Variants in MYO1B observed in about 807,000 individuals in gnomAD.
MYO1B encodes the protein myosin IB.
A neutral mutation model predicts 159.7 loss-of-function variants in MYO1B; 72 were observed. The observed-to-expected ratio is 0.45, with a 90% confidence interval of 0.37 to 0.55. The LOEUF is 0.55. MYO1B is among the 20% of genes least tolerant of loss of function. The pLI, the probability that MYO1B is intolerant of heterozygous loss-of-function variation, is 0.00. For missense variants in MYO1B, 1,062 were observed against 1,364.8 expected, an observed-to-expected ratio of 0.78 and a Z score of 3.50; for synonymous variants, 468 against 473.8, an observed-to-expected ratio of 0.99 and a Z score of 0.16.
At chr2:191,277,179 T>G (rs939109144) in intron 2 of MYO1B, 149 bp downstream of exon 2, 1 of 955,666 alleles carries the variant, frequency 1.0e-6, no homozygotes, top group Non-Finnish European at 1.5e-6. Context: ...GTTGAGTTTT[T>G]ACTGATTTAG....
chr2:191,288,573 C>T (rs1431803021), intron 2 of MYO1B, among the ~76,000 whole-genome samples: 3 of 152,208 alleles, frequency 2.0e-5, no homozygotes, highest in Admixed American at 6.5e-5. Context: ...AAAAGACTCA[C>T]TTCCTAAGCT....
At chr2:191,338,808 A>G (rs1340911890) in intron 4 of MYO1B, among the ~76,000 whole-genome samples, 2 of 152,166 alleles carry the variant, frequency 1.3e-5, no homozygotes, top group Admixed American at 6.5e-5. Flanking sequence ...CCTAAACTTT[A>G]TATATTTTTG....
chr2:191,263,373 T>A (rs893829354), intron 1 of MYO1B: 1 of 981,492 alleles, frequency 1.0e-6, no homozygotes, highest in Non-Finnish European at 1.2e-6. Flanking sequence ...GAAAAAGCAA[T>A]GGAGAAGAAA....
intron 1 of MYO1B, among the ~76,000 whole-genome samples, chr2:191,258,685 G>GATGTTGGC (rs1409333533): frequency 1.3e-5 from 2 of 152,148 alleles, no homozygotes; most frequent in Non-Finnish European, 2.9e-5. Flanking sequence ...AGAGCTACAT[G>GATGTTGGC]ATGTTGGCAT....
intron 30 of MYO1B, among the ~76,000 whole-genome samples, chr2:191,418,854 C>T (rs561836426): frequency 1.3e-5 from 2 of 152,268 alleles, no homozygotes; most frequent in African/African-American, 4.8e-5. Context: ...GATTCAGCTG[C>T]CTTATAGTTT....
rs1046607417 is a variant in MYO1B, at chr2:191,341,499, T to G, written c.385T>G (p.Cys129Gly). 3.7e-6 allele frequency: 6 copies of G among 1,614,036 alleles called. No individual in the cohort carries two copies. The highest frequency in any genetic ancestry group is 5.1e-6 in the Non-Finnish European group (6 of 1,179,982). Residue 129 changes from cysteine (C) to glycine (G), a missense_variant, in exon 5 of 31, where the codon TGT (cysteine) becomes GGT (glycine). Around this residue, in one of 5 missense-constraint regions of MYO1B, gnomAD observed 415 missense variants for 544.0 expected, o/e 0.76. Transcript: ENST00000392318. ...TGTCATGTCCTATGTGGCAGCTGTT[T>G]GTGGAAAAGGAGCAGAAGTTAATCA... ...KLVMSYVAAV[C>G]GKGAEVNQVK...
Position 191,363,834 on chromosome 2 carries a change from G to T in MYO1B, c.872G>T (p.Arg291Leu), listed in dbSNP as rs1205234099. ...AACATTGAGTTCAAGCCCGAATCTC[G>T]AGTGAATGGTCTAGATGAAAGCAAA... ...LGNIEFKPES[R>L]VNGLDESKIK... The change falls in exon 10 of 31, where the codon CGA (arginine) becomes CTA (leucine). Residue 291 changes from arginine to leucine, a missense_variant. By Grantham distance (102) the Arg-to-Leu change is moderately radical. Transcript: ENST00000392318. 1.2e-6 allele frequency: 2 copies of T among 1,613,904 alleles called. No individual in the cohort carries two copies. The highest frequency in any genetic ancestry group is 2.2e-5 in the East Asian group (1 of 44,878).
In MYO1B at chr2:191,247,325, G is replaced by GA. The variant is rs1345398540; in HGVS notation, c.-10+1701dup. ...CCCCTTTGGCCATTTATTTTGAGAT[G>GA]AACCAAGTTTGAAAGCCTCTTAACC... On this transcript the variant is annotated intron_variant, in intron 1 of 30. Coordinates refer to ENST00000392318, the MANE Select transcript of MYO1B (RefSeq NM_001130158.3). Among the ~76,000 whole-genome samples the GA allele has an allele frequency of 2.6e-5, 4 of 152,194 alleles. No homozygotes were observed. The South Asian group carries it at 8.3e-4, about 32-fold the overall frequency.
At position 191,245,463 on chromosome 2, in the gene MYO1B, A is replaced by G. The variant is rs1420629293; in HGVS notation, c.-173A>G. The G allele has an allele frequency of 2.6e-5, 4 of 151,982 alleles. No individual in the cohort carries two copies. The highest frequency in any genetic ancestry group is 9.7e-5 in the African/African-American group (4 of 41,394). The allele number at this position is 151,982 out of a possible 1,614,324, so 9.4% of individuals were successfully genotyped here. On this transcript the variant is annotated 5_prime_UTR_variant, in exon 1 of 31. Coordinates refer to ENST00000392318, the MANE Select transcript of MYO1B (RefSeq NM_001130158.3). The stretch of plus-strand genomic sequence containing the variant: ...AACCGCGGCGCGTGGAGGCAGTACC[A>G]GAGCGCGCGGCGCGCAGTCGGCCGG...
At chr2:191,356,425 A>G (rs1272862645) in intron 7 of MYO1B, among the ~76,000 whole-genome samples, 1 of 147,188 alleles carries the variant, frequency 6.8e-6, no homozygotes, top group Admixed American at 7.0e-5. Context: ...GTTGTGAAGT[A>G]TCTGTAGCAA....
intron 24 of MYO1B, among the ~76,000 whole-genome samples, chr2:191,403,924 C>T (rs1696758321): frequency 2.0e-5 from 3 of 152,150 alleles, no homozygotes; most frequent in South Asian, 4.1e-4. Context: ...TAGGGGTGTA[C>T]ACTAGCAACC....
intron 2 of MYO1B, among the ~76,000 whole-genome samples, chr2:191,289,282 C>T (rs11686185): frequency 0.53 from 80,706 of 152,084 alleles, 22,124 homozygotes; most frequent in East Asian, 0.66. Context: ...ACCAAAGCTT[C>T]CCAGGCCTAA....
chr2:191,351,495 C>T (rs558452305), intron 7 of MYO1B, among the ~76,000 whole-genome samples: 12 of 152,234 alleles, frequency 7.9e-5, no homozygotes, highest in African/African-American at 2.2e-4. Flanking sequence ...CAGAGAGTAA[C>T]CATCTAGGGC....
chr2:191,381,267 C>T (rs1004133281), intron 13 of MYO1B, 195 bp from the exon 14 acceptor site: 2 of 651,258 alleles, frequency 3.1e-6, no homozygotes, highest in African/African-American at 3.6e-5. Context: ...ATACTTCATT[C>T]ATTCACTTAC....
At chr2:191,343,752 T>C (rs1284857723) in intron 5 of MYO1B, among the ~76,000 whole-genome samples, 1 of 152,208 alleles carries the variant, frequency 6.6e-6, no homozygotes, top group Non-Finnish European at 1.5e-5. Context: ...TATTCAGTGG[T>C]ATTTGGAACT....
intron 2 of MYO1B, among the ~76,000 whole-genome samples, chr2:191,280,616 G>T (rs1299575274): frequency 3.3e-5 from 5 of 152,184 alleles, no homozygotes; most frequent in Admixed American, 6.5e-5. Flanking sequence ...ATTGACTGTG[G>T]CCCGGAGATG....
At chr2:191,412,740 C>T (rs1373519221) in intron 27 of MYO1B, among the ~76,000 whole-genome samples, 1 of 152,122 alleles carries the variant, frequency 6.6e-6, no homozygotes, top group East Asian at 1.9e-4. Flanking sequence ...TCCTTGGTGC[C>T]TTTGATGAAC....
intron 30 of MYO1B, among the ~76,000 whole-genome samples, chr2:191,422,972 A>T (rs1698036744): frequency 6.6e-6 from 1 of 152,218 alleles, no homozygotes; most frequent in Non-Finnish European, 1.5e-5. Context: ...CTAAATGAGG[A>T]CTACTGGAGG....
rs371672569 is a variant in MYO1B at position 191,341,413 on chromosome 2, T to G, written c.347-48T>G. 491 of 1,539,096 alleles carry G rather than the reference T, an allele frequency of 3.2e-4. 6 individuals carry two copies. The South Asian group carries it at 5.5e-3, about 17-fold the overall frequency. On this transcript the variant is annotated intron_variant, in intron 4 of 30. Coordinates refer to ENST00000392318, the MANE Select transcript of MYO1B (RefSeq NM_001130158.3). ...ACATTTCCTCCTCCCCAAAAAGATT[T>G]TTTAAATTTCTGTGTTATTGATTAA...
Sources: allele counts gnomAD v4.1 joint callset (sites outside exome capture counted in the v4.1 genomes callset), GRCh38; gene constraint gnomAD v4.1.1; regional missense constraint gnomAD v4.1.1; transcripts MANE v1.5; gene names NCBI Gene and HGNC (gene_info 2026-07-23, HGNC 2026-07-21).